The following SLCO3A1 variants were observed in gnomAD, a reference collection of about 807,000 sequenced individuals.
SLCO3A1 encodes the protein PGE1 transporter.
SLCO3A1 carries 27 observed loss-of-function variants against 63.1 expected under a neutral mutation model. The ratio of observed to expected loss-of-function variants is 0.43; its 90% CI spans 0.32 to 0.59. The LOEUF (loss-of-function observed/expected upper bound fraction) is 0.59. SLCO3A1 is among the 20% of genes least tolerant of loss of function. The probability of loss-of-function intolerance (pLI) is 0.09; values close to 1 mark genes in which losing one functional copy is unlikely to be tolerated. For synonymous variants in SLCO3A1, 473 were observed against 409.9 expected, an observed-to-expected ratio of 1.15 and a Z score of -1.86; for missense variants, 773 against 945.8, an observed-to-expected ratio of 0.82 and a Z score of 2.40.
At chr15:91,921,064 G>A (rs1898828298) in intron 2 of SLCO3A1, among the ~76,000 whole-genome samples, 1 of 152,166 alleles carries the variant, frequency 6.6e-6, no homozygotes, top group South Asian at 2.1e-4. Flanking sequence ...CCACAGACTG[G>A]GAGGCTTAAA....
chr15:92,110,682 G>A (rs1472825209), intron 4 of SLCO3A1, among the ~76,000 whole-genome samples: 1 of 151,778 alleles, frequency 6.6e-6, no homozygotes, highest in Admixed American at 6.6e-5. Flanking sequence ...GTGAATAATT[G>A]TCCTTTATTC....
chr15:91,868,354 CTTTT>C (rs72068160), intron 1 of SLCO3A1, among the ~76,000 whole-genome samples: 7 of 104,882 alleles, frequency 6.7e-5, no homozygotes, highest in African/African-American at 1.8e-4. Flanking sequence ...ACCCAGCCGG[CTTTT>C]TTTTTTTTTT....
intron 3 of SLCO3A1, among the ~76,000 whole-genome samples, chr15:92,096,977 C>T (rs1020697435): frequency 6.6e-6 from 1 of 152,114 alleles, no homozygotes; most frequent in Non-Finnish European, 1.5e-5. Context: ...CCATCTTGCT[C>T]GTATAGACAG....
At chr15:92,110,061 G>T (rs1434494607) in intron 4 of SLCO3A1, among the ~76,000 whole-genome samples, 1 of 152,176 alleles carries the variant, frequency 6.6e-6, no homozygotes, top group Non-Finnish European at 1.5e-5. Context: ...AGCCCTTCCT[G>T]TGTCTGAGAA....
chr15:92,170,301 G>A (rs1294045148), downstream of SLCO3A1, among the ~76,000 whole-genome samples: 1 of 152,172 alleles, frequency 6.6e-6, no homozygotes, highest in East Asian at 1.9e-4. Flanking sequence ...CACTGTAAGG[G>A]AGGGAAGGGG....
intron 2 of SLCO3A1, among the ~76,000 whole-genome samples, chr15:91,992,022 C>T (rs1223212885): frequency 6.6e-6 from 1 of 152,218 alleles, no homozygotes; most frequent in African/African-American, 2.4e-5. Context: ...ATAAGTCCAT[C>T]GTGCATGGCT....
intron 2 of SLCO3A1, among the ~76,000 whole-genome samples, chr15:91,955,367 C>G (rs1167605213): frequency 6.6e-6 from 1 of 150,834 alleles, no homozygotes; most frequent in Non-Finnish European, 1.5e-5. Flanking sequence ...GAGTCTCGCT[C>G]TGTCACCCAG....
At chr15:92,051,354 C>T (rs1377557664) in intron 2 of SLCO3A1, among the ~76,000 whole-genome samples, 3 of 152,026 alleles carry the variant, frequency 2.0e-5, no homozygotes, top group Admixed American at 2.0e-4. Context: ...GGACAGCATC[C>T]CTGTAGCCTG....
chr15:92,121,989 CAGTG>C (rs957346204), intron 5 of SLCO3A1, among the ~76,000 whole-genome samples: 13 of 152,152 alleles, frequency 8.5e-5, no homozygotes, highest in Admixed American at 2.6e-4. Context: ...AAGGAGTAGA[CAGTG>C]AGCACGGGAC....
Position 91,865,683 on chromosome 15 carries a change from C to T in SLCO3A1, c.180+11595C>T, listed in dbSNP as rs889465111. On this transcript the variant is annotated intron_variant, in intron 1 of 9. Coordinates refer to ENST00000318445, the MANE Select transcript of SLCO3A1 (RefSeq NM_013272.4). The surrounding 1 kb of genome is among the most constrained non-coding windows in gnomAD (Gnocchi z 4.6). ...CTTTGCTGTCACATGGTGTTTCCCC[C>T]GCGTCTCTCTCTCTTCTTCTTCTAA... Among the ~76,000 whole-genome samples the T allele has an allele frequency of 3.9e-5, 6 of 152,168 alleles. No individual in the cohort carries two copies. In the South Asian group the frequency reaches 6.2e-4, roughly 16 times the overall value.
At chr15:91,924,129 T>A (rs1898935102) in intron 2 of SLCO3A1, among the ~76,000 whole-genome samples, 1 of 152,210 alleles carries the variant, frequency 6.6e-6, no homozygotes, top group Admixed American at 6.6e-5. Flanking sequence ...CATTCTTGTT[T>A]TGAAACCCCC....
intron 3 of SLCO3A1, among the ~76,000 whole-genome samples, chr15:92,102,602 C>A (rs1357596897): frequency 6.6e-6 from 1 of 152,144 alleles, no homozygotes; most frequent in Non-Finnish European, 1.5e-5. Flanking sequence ...TCCAGGCTTA[C>A]ACTGTCCCCT....
chr15:91,914,116 C>G (rs893480816), intron 1 of SLCO3A1, among the ~76,000 whole-genome samples: 1 of 152,204 alleles, frequency 6.6e-6, no homozygotes, highest in Non-Finnish European at 1.5e-5. Flanking sequence ...GACACCAGCT[C>G]TATGAGGTAG....
intron 2 of SLCO3A1, among the ~76,000 whole-genome samples, chr15:92,016,629 G>T (rs919653113): frequency 4.6e-5 from 7 of 152,176 alleles, no homozygotes; most frequent in Non-Finnish European, 5.9e-5. Flanking sequence ...CTTAAAGAAT[G>T]AATTAATAAG....
intron 7 of SLCO3A1, among the ~76,000 whole-genome samples, chr15:92,144,062 G>A (rs1244913338): frequency 3.9e-5 from 6 of 152,212 alleles, no homozygotes; most frequent in Non-Finnish European, 5.9e-5. Flanking sequence ...GGCGCCTTCC[G>A]GGCGCGTCTG....
chr15:91,964,023 C>T (rs1188040073), intron 2 of SLCO3A1, among the ~76,000 whole-genome samples: 1 of 152,062 alleles, frequency 6.6e-6, no homozygotes, highest in Non-Finnish European at 1.5e-5. Flanking sequence ...TTAACTAGAC[C>T]CAGAGCACTG....
At chr15:91,934,944 G>A (rs574545396) in intron 2 of SLCO3A1, among the ~76,000 whole-genome samples, 2 of 151,888 alleles carry the variant, frequency 1.3e-5, no homozygotes, top group East Asian at 1.9e-4. Flanking sequence ...GGCGTCCTTC[G>A]TGAATTTCCT....
chr15:91,866,950 C>T (rs530574672), intron 1 of SLCO3A1, among the ~76,000 whole-genome samples: 1 of 152,064 alleles, frequency 6.6e-6, no homozygotes, highest in African/African-American at 2.4e-5. Context: ...GGGATAGATC[C>T]GAGGGTAGCA....
chr15:92,102,017 C>T (rs2047611211), intron 3 of SLCO3A1, among the ~76,000 whole-genome samples: 1 of 152,124 alleles, frequency 6.6e-6, no homozygotes. Context: ...CACTAACTTC[C>T]TAACTAAAAT....
Sources: allele counts gnomAD v4.1 joint callset (sites outside exome capture counted in the v4.1 genomes callset), GRCh38; gene constraint gnomAD v4.1.1; non-coding constraint Gnocchi (gnomAD v3.1); transcripts MANE v1.5; gene names NCBI Gene and HGNC (gene_info 2026-07-23, HGNC 2026-07-21).